ANO3: variants seen among roughly 807,000 people sequenced by gnomAD.
ANO3 encodes anoctamin 3, also known as anoctamin-3.
In ANO3, 99 loss-of-function variants were observed where a neutral mutation model predicts 144.8. That is an observed-to-expected ratio of 0.68 (90% CI 0.58 to 0.81). The LOEUF (loss-of-function observed/expected upper bound fraction) is 0.81, where lower values mean the gene tolerates loss of function less well. Among genes scored for constraint, ANO3 ranks in the 30% least tolerant of loss-of-function variants. The pLI is 0.00. For synonymous variants in ANO3, 414 were observed against 392.6 expected, an observed-to-expected ratio of 1.05 and a Z score of -0.64; for missense variants, 905 against 1,202.2, an observed-to-expected ratio of 0.75 and a Z score of 3.66.
chr11:26,239,864 A>C (rs1352388445), intron 1 of ANO3, among the ~76,000 whole-genome samples: 24 of 152,210 alleles, frequency 1.6e-4, no homozygotes, highest in Admixed American at 1.6e-3. Context: ...TTTTTACTCT[A>C]CTTGAGTTTT....
chr11:26,199,245 T>C (rs1236115203), intron 1 of ANO3, among the ~76,000 whole-genome samples: 1 of 152,174 alleles, frequency 6.6e-6, no homozygotes, highest in Non-Finnish European at 1.5e-5. Context: ...CATATCCTTT[T>C]GCAGCTAAAA....
chr11:26,520,540 T>C (rs1862034465), intron 6 of ANO3, among the ~76,000 whole-genome samples: 1 of 152,188 alleles, frequency 6.6e-6, no homozygotes, highest in Admixed American at 6.6e-5. Context: ...CCAATAAAAA[T>C]ATTTTAAAAT....
At chr11:26,337,830 G>T (rs1462095254) in intron 1 of ANO3, among the ~76,000 whole-genome samples, 5 of 152,216 alleles carry the variant, frequency 3.3e-5, no homozygotes, top group African/African-American at 9.6e-5. Flanking sequence ...AGCTACTCAG[G>T]AGGCTGAGGC....
intron 1 of ANO3, among the ~76,000 whole-genome samples, chr11:26,399,223 C>T (rs1303113930): frequency 6.6e-6 from 1 of 151,868 alleles, no homozygotes; most frequent in Non-Finnish European, 1.5e-5. Context: ...TTTTGCAAGG[C>T]ACCCTTTTGC....
At chr11:26,604,521 A>G (rs557598862) in intron 17 of ANO3, among the ~76,000 whole-genome samples, 7 of 152,206 alleles carry the variant, frequency 4.6e-5, no homozygotes, top group African/African-American at 1.4e-4. Flanking sequence ...TTATTTTCAC[A>G]ATATTGATTC....
At chr11:26,389,688 G>A (rs894010237) in intron 1 of ANO3, among the ~76,000 whole-genome samples, 2 of 151,932 alleles carry the variant, frequency 1.3e-5, no homozygotes, top group Non-Finnish European at 2.9e-5. Flanking sequence ...CCACATGTTT[G>A]CTAATTTTGT....
At chr11:26,590,285 T>C (rs1851406852) in intron 14 of ANO3, among the ~76,000 whole-genome samples, 1 of 152,270 alleles carries the variant, frequency 6.6e-6, no homozygotes, top group Admixed American at 6.5e-5. Context: ...TTATGGCGAT[T>C]ATTCCTTTTA....
intron 4 of ANO3, among the ~76,000 whole-genome samples, chr11:26,495,450 A>C (rs995368282): frequency 6.6e-6 from 1 of 152,050 alleles, no homozygotes; most frequent in Non-Finnish European, 1.5e-5. Flanking sequence ...CTGTACTGGA[A>C]AGAGCTAAGC....
intron 1 of ANO3, among the ~76,000 whole-genome samples, chr11:26,315,611 CT>C (rs948418282): frequency 2.4e-4 from 36 of 148,114 alleles, no homozygotes; most frequent in Admixed American, 1.1e-3. Context: ...GAGATATTCT[CT>C]TTTTTTTTTC....
chr11:26,548,972 T>A (rs1172837822), intron 12 of ANO3, among the ~76,000 whole-genome samples: 2 of 151,424 alleles, frequency 1.3e-5, no homozygotes, highest in Non-Finnish European at 1.5e-5. Flanking sequence ...AAAACACTTT[T>A]AAGATAAATT....
chr11:26,596,290 T>C (rs1436452999), intron 14 of ANO3, among the ~76,000 whole-genome samples: 1 of 152,212 alleles, frequency 6.6e-6, no homozygotes, highest in Non-Finnish European at 1.5e-5. Context: ...TCTCTGCCTC[T>C]GTAGAAGGAT....
At chr11:26,573,715 CCTTT>C (rs1349907543) in intron 14 of ANO3, among the ~76,000 whole-genome samples, 3 of 152,102 alleles carry the variant, frequency 2.0e-5, no homozygotes, top group African/African-American at 7.2e-5. Context: ...TCCTGAAGAC[CCTTT>C]CTGTGGGCCC....
intron 1 of ANO3, among the ~76,000 whole-genome samples, chr11:26,404,841 G>C (rs1340995094): frequency 6.6e-6 from 1 of 151,394 alleles, no homozygotes. Flanking sequence ...TCCATGGCTT[G>C]TACAGTGGAA....
intron 4 of ANO3, among the ~76,000 whole-genome samples, chr11:26,481,913 A>G (rs868698457): frequency 6.6e-6 from 1 of 151,764 alleles, no homozygotes; most frequent in African/African-American, 2.4e-5. Flanking sequence ...TTGTTTTTGG[A>G]GACTATGTCT....
chr11:26,199,224 G>T (rs575237977), intron 1 of ANO3, among the ~76,000 whole-genome samples: 57 of 152,068 alleles, frequency 3.7e-4, no homozygotes, highest in Middle Eastern at 3.4e-3. Context: ...TGCTCTCAAG[G>T]TTCCTGACTC....
intron 1 of ANO3, among the ~76,000 whole-genome samples, chr11:26,364,256 G>A (rs1013859404): frequency 1.1e-4 from 16 of 152,110 alleles, no homozygotes; most frequent in East Asian, 3.9e-4. Flanking sequence ...TGCATATCTC[G>A]TCTCTGTTTG....
chr11:26,492,690 G>T (rs1167773372), intron 4 of ANO3, among the ~76,000 whole-genome samples: 1 of 152,084 alleles, frequency 6.6e-6, no homozygotes, highest in Non-Finnish European at 1.5e-5. Context: ...AGATTTTGAG[G>T]CCATTTCTGT....
At chr11:26,570,650 T>G (rs984320580) in intron 14 of ANO3, among the ~76,000 whole-genome samples, 3 of 152,128 alleles carry the variant, frequency 2.0e-5, no homozygotes, top group Admixed American at 2.0e-4. Flanking sequence ...GGCTGCCTTT[T>G]CTCCAAGTTG....
rs960344128 is a variant in ANO3, at chr11:26,373,613, C to T, written c.46+41292C>T. 4.6e-5 allele frequency among the ~76,000 whole-genome samples: 7 copies of T among 152,198 alleles called. No homozygotes were observed. The East Asian group carries it at 1.4e-3, about 29-fold the overall frequency. ...TAAATAGTTCTGGTTCTAATTTAGTCCTGATACTTCTTACTTTTGTGATCC... is the reference window on the plus strand; with the variant it reads ...TAAATAGTTCTGGTTCTAATTTAGTTCTGATACTTCTTACTTTTGTGATCC... On this transcript the variant is annotated intron_variant, in intron 1 of 26. Coordinates refer to ENST00000256737, the MANE Select transcript of ANO3 (RefSeq NM_031418.4).
Sources: gnomAD v4.1 joint callset for allele counts (sites outside exome capture counted in the v4.1 genomes callset) on GRCh38, gnomAD v4.1.1 for gene constraint, MANE v1.5 for transcripts, NCBI Gene and HGNC (gene_info 2026-07-23, HGNC 2026-07-21) for gene names.